Variants in CD200 observed in about 807,000 individuals in gnomAD.
CD200 encodes OX-2 membrane glycoprotein.
A neutral mutation model predicts 30.9 loss-of-function variants in CD200; 15 were observed. That is an observed-to-expected ratio of 0.49 (90% CI 0.32 to 0.75). CD200 has a LOEUF of 0.75. CD200 is among the 30% of genes least tolerant of loss of function. The pLI is 0.03. For synonymous variants in CD200, 134 were observed against 126.2 expected (o/e 1.06, Z -0.41); for missense variants, 262 against 324.2 (o/e 0.81, Z 1.47).
intron 2 of CD200, among the ~76,000 whole-genome samples, chr3:112,342,337 C>T (rs28361869): frequency 0.068 from 1,383 of 20,214 alleles, 240 homozygotes; most frequent in Middle Eastern, 0.13. Flanking sequence ...TTCTTTCTTT[C>T]CTTCTTTCTT....
chr3:112,352,542 AGAG>A (rs2081553325), intron 5 of CD200, among the ~76,000 whole-genome samples: 1 of 1,810 alleles, frequency 5.5e-4, no homozygotes, highest in Non-Finnish European at 1.3e-3. Context: ...GGTGGAACTG[AGAG>A]AGAGAGAGAG....
chr3:112,351,763 G>A (rs1418230695), intron 5 of CD200, among the ~76,000 whole-genome samples: 4 of 152,118 alleles, frequency 2.6e-5, no homozygotes, highest in African/African-American at 9.7e-5. Flanking sequence ...AAGAAAAGAG[G>A]TTTATTTGGT....
chr3:112,361,616 G>A lies in CD200; in HGVS notation c.*66G>A. 1 of 1,397,198 alleles carries A rather than the reference G, an allele frequency of 7.2e-7. No homozygotes were observed. The highest frequency in any genetic ancestry group is 1.0e-6 in the Non-Finnish European group (1 of 982,400). 86.6% of individuals were successfully genotyped at this position (1,397,198 alleles called of 1,614,324 possible). A position where few individuals can be genotyped will look rare whatever the true frequency, so the allele number is the denominator to read the frequency against. On this transcript the variant is annotated 3_prime_UTR_variant, in exon 6 of 6. Coordinates refer to ENST00000315711, the MANE Select transcript of CD200 (RefSeq NM_005944.7). ...TTGAATTTGACACAAGAGAAAAGCA[G>A]GAGGAAAAGGGGCCATTCTCCAAAG...
At chr3:112,358,415 G>C (rs1370338075) in intron 5 of CD200, among the ~76,000 whole-genome samples, 1 of 152,100 alleles carries the variant, frequency 6.6e-6, no homozygotes, top group East Asian at 1.9e-4. Context: ...TTCTAAAAAC[G>C]TGCGTATACT....
At chr3:112,361,410 T>C (rs2108480261) in intron 5 of CD200, 133 bp from the exon 6 acceptor site, 1 of 784,248 alleles carries the variant, frequency 1.3e-6, no homozygotes, top group Non-Finnish European at 2.2e-6. Context: ...TGTCTACTTC[T>C]TTATCTTTGC....
In CD200 at chr3:112,357,089, CT is replaced by C. The variant is rs535476999; in HGVS notation, c.803-4453del. ...ATCCTGGTTAACAGCGTGAAACCCCCTCTCTACTAAAAATATAAAAAATTAG... is the reference window on the plus strand; with the variant it reads ...ATCCTGGTTAACAGCGTGAAACCCCCCTCTACTAAAAATATAAAAAATTAG... On this transcript the variant is annotated intron_variant, in intron 5 of 5. Coordinates refer to ENST00000315711, the MANE Select transcript of CD200 (RefSeq NM_005944.7). 6.0e-4 allele frequency among the ~76,000 whole-genome samples: 91 copies of C among 151,886 alleles called. 2 individuals are homozygous for C. The East Asian group carries it at 0.015, about 24-fold the overall frequency.
chr3:112,332,925 AT>A (rs909438173), upstream of CD200: 440 of 474,100 alleles, frequency 9.3e-4, no homozygotes, highest in East Asian at 3.7e-3. Flanking sequence ...AAAAAAAATG[AT>A]TTTTTTTTTC....
intron 1 of CD200, chr3:112,335,974 T>C (rs775016184): frequency 6.2e-7 from 1 of 1,612,820 alleles, no homozygotes; most frequent in Non-Finnish European, 8.5e-7. Flanking sequence ...GGCCCTCTCC[T>C]TACAGCTACA....
At chr3:112,333,994 C>T in intron 1 of CD200, 1 of 985,292 alleles carries the variant, frequency 1.0e-6, no homozygotes, top group Non-Finnish European at 1.2e-6. Flanking sequence ...CAGTGAATGC[C>T]TCAAGATAAT....
chr3:112,333,639 A>G, intron 1 of CD200: 1 of 985,432 alleles, frequency 1.0e-6, no homozygotes, highest in Non-Finnish European at 1.2e-6. Context: ...GAAATGCTGT[A>G]TTGGTTCCAT....
chr3:112,338,283 C>G (rs991631187), intron 1 of CD200, among the ~76,000 whole-genome samples: 1 of 152,096 alleles, frequency 6.6e-6, no homozygotes, highest in Non-Finnish European at 1.5e-5. Flanking sequence ...ATGATTCATC[C>G]TGGATGACTT....
At chr3:112,357,271 A>AAAAAAAGAAAG (rs1553720695) in intron 5 of CD200, among the ~76,000 whole-genome samples, 1 of 139,740 alleles carries the variant, frequency 7.2e-6, no homozygotes, top group African/African-American at 2.7e-5. Context: ...AAAAAAAAAA[A>AAAAAAAGAAAG]AAAGAAAGAA....
intron 4 of CD200, among the ~76,000 whole-genome samples, chr3:112,349,410 G>A (rs1385157176): frequency 2.0e-5 from 3 of 152,082 alleles, no homozygotes; most frequent in African/African-American, 7.2e-5. Context: ...TTGTTATTCT[G>A]ATTTTGATCT....
chr3:112,351,329 G>T (rs1369612407), intron 5 of CD200, among the ~76,000 whole-genome samples: 1 of 152,118 alleles, frequency 6.6e-6, no homozygotes, highest in Non-Finnish European at 1.5e-5. Flanking sequence ...TTTTCTTTTG[G>T]AAAGTGCAAG....
intron 5 of CD200, among the ~76,000 whole-genome samples, chr3:112,353,871 C>G (rs1421689488): frequency 6.6e-6 from 1 of 152,126 alleles, no homozygotes; most frequent in Non-Finnish European, 1.5e-5. Flanking sequence ...CAACCCCACC[C>G]CAGTATCCTC....
At chr3:112,356,390 A>G (rs2081623974) in intron 5 of CD200, among the ~76,000 whole-genome samples, 1 of 152,148 alleles carries the variant, frequency 6.6e-6, no homozygotes, top group African/African-American at 2.4e-5. Context: ...TTATGTATTT[A>G]TGGTGTACAA....
Position 112,361,732 on chromosome 3 carries a change from A to G in CD200, c.*182A>G. 1 of 661,812 alleles carries G rather than the reference A, an allele frequency of 1.5e-6. No homozygotes were observed. The highest frequency in any genetic ancestry group is 1.8e-5 in the South Asian group (1 of 55,376). 41.0% of individuals were successfully genotyped at this position (661,812 alleles called of 1,614,324 possible). A position where few individuals can be genotyped will look rare whatever the true frequency, so the allele number is the denominator to read the frequency against. On this transcript the variant is annotated 3_prime_UTR_variant, in exon 6 of 6. Coordinates refer to ENST00000315711, the MANE Select transcript of CD200 (RefSeq NM_005944.7). ...TGAGCTACTCAGTGTTTGAATCCCA[A>G]GAGGAAGTCAGTTTACCTCTCAGGT... is the stretch of plus-strand genomic sequence containing the variant.
intron 4 of CD200, among the ~76,000 whole-genome samples, chr3:112,349,390 G>A (rs1341716289): frequency 2.6e-5 from 4 of 152,050 alleles, no homozygotes; most frequent in Non-Finnish European, 5.9e-5. Context: ...CCAAACCTTG[G>A]CTATCCCATT....
At chr3:112,357,063 C>A (rs1186727959) in intron 5 of CD200, among the ~76,000 whole-genome samples, 1 of 151,976 alleles carries the variant, frequency 6.6e-6, no homozygotes, top group Non-Finnish European at 1.5e-5. Context: ...AGATCGAGAC[C>A]ATCCTGGTTA....
Sources: gnomAD v4.1 joint callset for allele counts (sites outside exome capture counted in the v4.1 genomes callset) on GRCh38, gnomAD v4.1.1 for gene constraint, MANE v1.5 for transcripts, NCBI Gene and HGNC (gene_info 2026-07-23, HGNC 2026-07-21) for gene names.